Variants in CNTNAP2 observed in about 807,000 individuals in gnomAD.
CNTNAP2 encodes contactin-associated protein-like 2.
A neutral mutation model predicts 155.2 loss-of-function variants in CNTNAP2; 98 were observed. The ratio of observed to expected loss-of-function variants is 0.63; its 90% confidence interval spans 0.54 to 0.75. CNTNAP2 has a LOEUF of 0.75. Ranked by LOEUF, CNTNAP2 falls within the 30% of genes least tolerant of loss-of-function variation. The pLI, the probability that CNTNAP2 is intolerant of heterozygous loss-of-function variation, is 0.00. For synonymous variants in CNTNAP2, 651 were observed against 631.2 expected (o/e 1.03, Z -0.47); for missense variants, 1,727 against 1,688.1 (o/e 1.02, Z -0.40).
At chr7:146,851,194 A>C (rs1167417319) in intron 3 of CNTNAP2, among the ~76,000 whole-genome samples, 2 of 152,056 alleles carry the variant, frequency 1.3e-5, no homozygotes, top group Admixed American at 6.6e-5. Flanking sequence ...CATATTGGCT[A>C]GGCTGGTCTC....
intron 1 of CNTNAP2, among the ~76,000 whole-genome samples, chr7:146,300,153 A>G (rs533782270): frequency 6.4e-4 from 98 of 152,334 alleles, no homozygotes; most frequent in Non-Finnish European, 1.1e-3. Flanking sequence ...AAACCTTTAC[A>G]TACAGCTCTA....
intron 8 of CNTNAP2, among the ~76,000 whole-genome samples, chr7:147,220,854 T>C (rs1803380857): frequency 6.6e-6 from 1 of 151,960 alleles, no homozygotes; most frequent in Admixed American, 6.6e-5. Context: ...GCTGGGATTA[T>C]AGGCATTCAT....
intron 1 of CNTNAP2, among the ~76,000 whole-genome samples, chr7:146,657,972 T>C (rs1305537002): frequency 2.0e-5 from 3 of 152,016 alleles, no homozygotes; most frequent in African/African-American, 7.3e-5. Flanking sequence ...CTGTAAAACA[T>C]ACATTCAAGC....
chr7:148,287,445 A>C (rs1797103091), intron 21 of CNTNAP2, among the ~76,000 whole-genome samples: 1 of 152,214 alleles, frequency 6.6e-6, no homozygotes, highest in Non-Finnish European at 1.5e-5. Flanking sequence ...AGTGGCCAGC[A>C]AGATGCCACC....
chr7:147,977,875 G>C lies in CNTNAP2; in HGVS notation c.2269G>C (p.Gly757Arg). The C allele has an allele frequency of 6.2e-7, 1 of 1,614,114 alleles. No individual in the cohort carries two copies. The highest frequency in any genetic ancestry group is 8.5e-7 in the Non-Finnish European group (1 of 1,180,008). Residue 757 changes from glycine to arginine, a missense_variant, in exon 15 of 24, where the codon GGT becomes CGT. Transcript: ENST00000361727. ...ADYKQWRKDA[G>R]FLSYKDHLPV... ...CCTGTGATCCAGGAGGAAGGATGCTGGTTTCTTATCATACAAAGATCACCT... is the reference window on the plus strand; with the variant it reads ...CCTGTGATCCAGGAGGAAGGATGCTCGTTTCTTATCATACAAAGATCACCT...
At chr7:147,596,349 T>C (rs1800827109) in intron 12 of CNTNAP2, among the ~76,000 whole-genome samples, 1 of 152,184 alleles carries the variant, frequency 6.6e-6, no homozygotes, top group Admixed American at 6.5e-5. Flanking sequence ...TCCACTGCCA[T>C]CACCCTGATT....
intron 1 of CNTNAP2, among the ~76,000 whole-genome samples, chr7:146,348,872 T>C (rs1794869782): frequency 6.7e-6 from 1 of 149,656 alleles, no homozygotes; most frequent in Admixed American, 6.7e-5. Flanking sequence ...CTATTGTATA[T>C]AGTGCATAAT....
intron 9 of CNTNAP2, among the ~76,000 whole-genome samples, chr7:147,355,239 C>A (rs1796042668): frequency 6.6e-6 from 1 of 151,942 alleles, no homozygotes; most frequent in South Asian, 2.1e-4. Context: ...TTATTTGAAA[C>A]CAATGGGAAC....
chr7:148,297,564 C>T (rs914822506), intron 21 of CNTNAP2, among the ~76,000 whole-genome samples: 3 of 152,078 alleles, frequency 2.0e-5, no homozygotes, highest in South Asian at 2.1e-4. Flanking sequence ...AAGTGCTATT[C>T]GGTTTTCAGT....
chr7:148,093,349 T>C (rs968684636), intron 15 of CNTNAP2, among the ~76,000 whole-genome samples: 4 of 152,220 alleles, frequency 2.6e-5, no homozygotes, highest in Non-Finnish European at 5.9e-5. Context: ...TTAACATTTT[T>C]ACATTTTTAA....
At chr7:147,893,627 T>C (rs545614086) in intron 13 of CNTNAP2, among the ~76,000 whole-genome samples, 4 of 152,326 alleles carry the variant, frequency 2.6e-5, no homozygotes, top group African/African-American at 9.6e-5. Context: ...GGATCTATAT[T>C]GTTTACAAGA....
intron 8 of CNTNAP2, among the ~76,000 whole-genome samples, chr7:147,143,204 C>T (rs1801635971): frequency 6.6e-6 from 1 of 152,110 alleles, no homozygotes; most frequent in Non-Finnish European, 1.5e-5. Context: ...TCCTGCCTCT[C>T]TAAACAAGTC....
At chr7:147,643,085 C>T (rs1282295734) in intron 13 of CNTNAP2, among the ~76,000 whole-genome samples, 4 of 152,118 alleles carry the variant, frequency 2.6e-5, no homozygotes, top group African/African-American at 4.8e-5. Flanking sequence ...TTTTAACAAA[C>T]ACCCATGGGT....
At chr7:148,040,320 G>A (rs898831526) in intron 15 of CNTNAP2, among the ~76,000 whole-genome samples, 27 of 152,046 alleles carry the variant, frequency 1.8e-4, no homozygotes, top group African/African-American at 2.9e-4. Context: ...TTACAACCAC[G>A]GAGAGATCTC....
At chr7:147,775,325 A>G (rs1265635503) in intron 13 of CNTNAP2, among the ~76,000 whole-genome samples, 1 of 51,724 alleles carries the variant, frequency 1.9e-5, no homozygotes, top group East Asian at 3.3e-4. Context: ...ATATATATTT[A>G]TATATATTTA....
intron 17 of CNTNAP2, among the ~76,000 whole-genome samples, chr7:148,159,350 A>G (rs982709726): frequency 2.6e-5 from 4 of 152,170 alleles, no homozygotes; most frequent in African/African-American, 9.7e-5. Flanking sequence ...TGTTCAAAGT[A>G]TACATATCAT....
chr7:147,371,743 C>T (rs761538507), intron 9 of CNTNAP2, among the ~76,000 whole-genome samples: 1 of 152,128 alleles, frequency 6.6e-6, no homozygotes, highest in Non-Finnish European at 1.5e-5. Context: ...CTCTGACAGC[C>T]TCTCCAGGGG....
At chr7:147,105,077 A>G (rs1800738488) in intron 4 of CNTNAP2, among the ~76,000 whole-genome samples, 3 of 151,240 alleles carry the variant, frequency 2.0e-5, no homozygotes, top group Admixed American at 2.0e-4. Context: ...CTTTTGATCA[A>G]TAGACATAGT....
At chr7:147,554,364 G>C (rs1320776842) in intron 11 of CNTNAP2, among the ~76,000 whole-genome samples, 1 of 151,290 alleles carries the variant, frequency 6.6e-6, no homozygotes, top group Non-Finnish European at 1.5e-5. Flanking sequence ...CATTGCAATA[G>C]TATGGATTAT....
Sources: gnomAD v4.1 joint callset for allele counts (sites outside exome capture counted in the v4.1 genomes callset) on GRCh38, gnomAD v4.1.1 for gene constraint, MANE v1.5 for transcripts, NCBI Gene and HGNC (gene_info 2026-07-23, HGNC 2026-07-21) for gene names.